Variants in MTUS2 observed in about 807,000 individuals in gnomAD.
MTUS2 encodes microtubule-associated tumor suppressor candidate 2.
Under a neutral mutation model 114.1 loss-of-function variants are expected in MTUS2, and 40 were observed. That is an observed-to-expected ratio of 0.35 (90% CI 0.27 to 0.46). MTUS2 has a LOEUF of 0.46. MTUS2 is among the 20% of genes least tolerant of loss of function. The pLI is 1.00. For missense variants in MTUS2, 1,679 were observed against 1,705.4 expected (o/e 0.98, Z 0.27); for synonymous variants, 688 against 672.0 (o/e 1.02, Z -0.37).
chr13:29,110,450 C>T (rs1309343278), intron 5 of MTUS2, among the ~76,000 whole-genome samples: 1 of 152,134 alleles, frequency 6.6e-6, no homozygotes, highest in Non-Finnish European at 1.5e-5. Context: ...CTTCTGATTT[C>T]CTCTGGAAAT....
At chr13:29,226,347 T>C (rs1460368626) in intron 5 of MTUS2, among the ~76,000 whole-genome samples, 2 of 152,240 alleles carry the variant, frequency 1.3e-5, no homozygotes, top group Non-Finnish European at 2.9e-5. Flanking sequence ...TATTCTCATT[T>C]ATACTATCAA....
intron 5 of MTUS2, among the ~76,000 whole-genome samples, chr13:29,214,696 C>T (rs1313031472): frequency 1.3e-5 from 2 of 152,136 alleles, no homozygotes; most frequent in Non-Finnish European, 2.9e-5. Context: ...CCACCACTTT[C>T]TTCTGGCTTG....
At chr13:29,352,532 T>A (rs1204303071) in intron 7 of MTUS2, among the ~76,000 whole-genome samples, 1 of 152,232 alleles carries the variant, frequency 6.6e-6, no homozygotes, top group Non-Finnish European at 1.5e-5. Flanking sequence ...ATTTCAGTGA[T>A]CCCTGGCAAC....
Position 29,501,774 on chromosome 13 carries a change from C to T in MTUS2, c.3896+580C>T, listed in dbSNP as rs557817422. ...CAACTCAGCTAGGCTCCTCAATGCT[C>T]ACCCATGGTGTGTTACCCTTGCACA... On this transcript the variant is annotated intron_variant, in intron 15 of 15. Transcript: ENST00000612955. Among the ~76,000 whole-genome samples the T allele has an allele frequency of 7.7e-4, 117 of 152,336 alleles. 2 individuals are homozygous for T. The South Asian group carries it at 0.023, about 30-fold the overall frequency.
chr13:29,409,509 G>T (rs1013844648), intron 8 of MTUS2, among the ~76,000 whole-genome samples: 2 of 151,596 alleles, frequency 1.3e-5, no homozygotes, highest in Non-Finnish European at 2.9e-5. Context: ...TTCCCTTTTG[G>T]ATTCCCCATA....
intron 2 of MTUS2, among the ~76,000 whole-genome samples, chr13:28,920,553 C>A (rs1221226053): frequency 6.6e-6 from 1 of 152,258 alleles, no homozygotes; most frequent in South Asian, 2.1e-4. Context: ...ATAACCACTA[C>A]CTGGCTACCA....
intron 2 of MTUS2, among the ~76,000 whole-genome samples, chr13:28,873,140 T>G (rs1052870633): frequency 5.3e-5 from 8 of 152,180 alleles, no homozygotes; most frequent in Non-Finnish European, 8.8e-5. Context: ...AAATGAAAAC[T>G]GAAAAGCTGT....
intron 2 of MTUS2, among the ~76,000 whole-genome samples, chr13:28,893,456 G>C (rs1404408788): frequency 6.6e-6 from 1 of 152,180 alleles, no homozygotes; most frequent in Non-Finnish European, 1.5e-5. Context: ...TTTCCTGAGT[G>C]CCGAAGGTAA....
intron 9 of MTUS2, among the ~76,000 whole-genome samples, chr13:29,463,734 C>T (rs1221659080): frequency 6.6e-6 from 1 of 152,190 alleles, no homozygotes; most frequent in Admixed American, 6.5e-5. Flanking sequence ...TGGGGTGGCT[C>T]ATGCCTGTAA....
At chr13:29,283,971 A>G (rs937481991) in intron 6 of MTUS2, among the ~76,000 whole-genome samples, 1 of 152,254 alleles carries the variant, frequency 6.6e-6, no homozygotes, top group Non-Finnish European at 1.5e-5. Context: ...TGGTGGGAAT[A>G]TAAAATGGTA....
chr13:28,883,234 A>C (rs1249758503), intron 2 of MTUS2, among the ~76,000 whole-genome samples: 1 of 152,232 alleles, frequency 6.6e-6, no homozygotes, highest in Non-Finnish European at 1.5e-5. Flanking sequence ...CTTGGAATCC[A>C]GTTTGGCACT....
chr13:28,974,434 T>A (rs1008192412), intron 2 of MTUS2, among the ~76,000 whole-genome samples: 12 of 152,208 alleles, frequency 7.9e-5, no homozygotes, highest in African/African-American at 2.4e-4. Context: ...GGAACAGAAC[T>A]GTGAAATGGC....
chr13:29,336,477 G>T (rs939934371), intron 7 of MTUS2, among the ~76,000 whole-genome samples: 1 of 152,198 alleles, frequency 6.6e-6, no homozygotes, highest in African/African-American at 2.4e-5. Flanking sequence ...GGAGGCTGCA[G>T]AACAGCAAAA....
At chr13:29,174,481 G>T (rs79534864) in intron 5 of MTUS2, among the ~76,000 whole-genome samples, 1 of 152,106 alleles carries the variant, frequency 6.6e-6, no homozygotes, top group Admixed American at 6.6e-5. Context: ...ACTGAATTAC[G>T]GAATTTGAAG....
chr13:29,301,366 C>T (rs554034465), intron 6 of MTUS2, among the ~76,000 whole-genome samples: 15 of 152,340 alleles, frequency 9.8e-5, no homozygotes, highest in African/African-American at 3.6e-4. Flanking sequence ...TAGCTGCCAG[C>T]ATGCACTGCT....
At chr13:28,896,589 G>T (rs1322626162) in intron 2 of MTUS2, among the ~76,000 whole-genome samples, 2 of 152,252 alleles carry the variant, frequency 1.3e-5, no homozygotes, top group Non-Finnish European at 2.9e-5. Flanking sequence ...AGCCCTCATT[G>T]CCAAGTCAAT....
chr13:29,417,723 C>A (rs896434288), intron 8 of MTUS2, among the ~76,000 whole-genome samples: 1 of 151,930 alleles, frequency 6.6e-6, no homozygotes. Context: ...TATTCAAGAT[C>A]TTTTTTCATA....
chr13:29,472,531 G>C (rs995562807), intron 9 of MTUS2, among the ~76,000 whole-genome samples: 1 of 152,128 alleles, frequency 6.6e-6, no homozygotes, highest in African/African-American at 2.4e-5. Flanking sequence ...GCCACCAGGG[G>C]GCATTTTTCA....
intron 6 of MTUS2, among the ~76,000 whole-genome samples, chr13:29,290,819 C>T (rs143243569): frequency 7.0e-4 from 107 of 152,296 alleles, no homozygotes; most frequent in African/African-American, 2.5e-3. Context: ...CTCTCTGCCC[C>T]ATATGTGCAG....
Sources: allele counts gnomAD v4.1 joint callset (sites outside exome capture counted in the v4.1 genomes callset), GRCh38; gene constraint gnomAD v4.1.1; transcripts MANE v1.5; gene names NCBI Gene and HGNC (gene_info 2026-07-23, HGNC 2026-07-21).